The following PPIG variants were observed in gnomAD, a reference collection of about 807,000 sequenced individuals.
The protein encoded by PPIG is peptidyl-prolyl cis-trans isomerase G.
A neutral mutation model predicts 87.9 loss-of-function variants in PPIG; 26 were observed. The ratio of observed to expected loss-of-function variants is 0.30; its 90% confidence interval spans 0.22 to 0.41. PPIG has a LOEUF of 0.41. PPIG is among the 10% of genes least tolerant of loss of function. The pLI is 1.00. For missense variants in PPIG, 722 were observed against 879.4 expected, an observed-to-expected ratio of 0.82 and a Z score of 2.26; for synonymous variants, 308 against 276.5, an observed-to-expected ratio of 1.11 and a Z score of -1.13.
Position 169,607,712 on chromosome 2 carries a change from T to C in PPIG, c.289+564T>C, listed in dbSNP as rs1574447938. 3.9e-5 allele frequency among the ~76,000 whole-genome samples: 6 copies of C among 152,346 alleles called. No homozygotes were observed. The South Asian group carries it at 1.2e-3, about 32-fold the overall frequency. ...AATTCTACATGATTTGTTCTTAATATTCTAACCCAAGATTGGAAAACAAAT... is the reference window on the plus strand; with the variant it reads ...AATTCTACATGATTTGTTCTTAATACTCTAACCCAAGATTGGAAAACAAAT... On this transcript the variant is annotated intron_variant, in intron 6 of 13. Coordinates refer to ENST00000260970, the MANE Select transcript of PPIG (RefSeq NM_004792.3).
At chr2:169,595,564 C>T (rs1559175328) in intron 1 of PPIG, among the ~76,000 whole-genome samples, 1 of 152,026 alleles carries the variant, frequency 6.6e-6, no homozygotes, top group Non-Finnish European at 1.5e-5. Context: ...TCCCCATTAC[C>T]CTCTCAAGTG....
chr2:169,591,792 T>TC (rs397732078), intron 1 of PPIG, among the ~76,000 whole-genome samples: 15 of 151,342 alleles, frequency 9.9e-5, no homozygotes, highest in Non-Finnish European at 1.6e-4. Context: ...TTTTTTTTTT[T>TC]CCAAGAAAAA....
At chr2:169,627,321 T>C (rs1253623658) in intron 9 of PPIG, among the ~76,000 whole-genome samples, 2 of 152,200 alleles carry the variant, frequency 1.3e-5, no homozygotes, top group South Asian at 2.1e-4. Context: ...GGTCTCGAAC[T>C]CCTGACCTCA....
At chr2:169,627,636 C>G (rs1343002764) in intron 9 of PPIG, among the ~76,000 whole-genome samples, 1 of 151,396 alleles carries the variant, frequency 6.6e-6, no homozygotes, top group Non-Finnish European at 1.5e-5. Context: ...AAGTGATTCT[C>G]CCTGCTCAGC....
chr2:169,605,644 A>AC (rs1188313047), intron 4 of PPIG, among the ~76,000 whole-genome samples: 20 of 151,110 alleles, frequency 1.3e-4, no homozygotes, highest in South Asian at 1.0e-3. Flanking sequence ...TCTACGAAAA[A>AC]AAAAATTAGC....
intron 1 of PPIG, among the ~76,000 whole-genome samples, chr2:169,599,882 A>AT (rs1314458026): frequency 6.6e-6 from 1 of 151,846 alleles, no homozygotes; most frequent in African/African-American, 2.4e-5. Flanking sequence ...ATTTTCCCCA[A>AT]TTTTTTTCTT....
At chr2:169,618,633 A>G (rs1446340864) in intron 9 of PPIG, among the ~76,000 whole-genome samples, 2 of 152,058 alleles carry the variant, frequency 1.3e-5, no homozygotes, top group Non-Finnish European at 2.9e-5. Context: ...TTTCTAGTGT[A>G]TTTGTGTAGA....
At chr2:169,616,501 C>T (rs948456139) in intron 9 of PPIG, among the ~76,000 whole-genome samples, 2 of 152,296 alleles carry the variant, frequency 1.3e-5, no homozygotes, top group Admixed American at 6.5e-5. Flanking sequence ...ACATCCTCTC[C>T]GGCATCTGTT....
chr2:169,605,506 T>C (rs1685300162), intron 4 of PPIG, among the ~76,000 whole-genome samples: 1 of 148,134 alleles, frequency 6.8e-6, no homozygotes, highest in Non-Finnish European at 1.5e-5. Context: ...CCTGTCTCAA[T>C]TAAAAAAATA....
At chr2:169,624,788 C>T (rs1685841593) in intron 9 of PPIG, among the ~76,000 whole-genome samples, 1 of 152,106 alleles carries the variant, frequency 6.6e-6, no homozygotes, top group Non-Finnish European at 1.5e-5. Context: ...GATGGGGTTT[C>T]ACCATGTTAG....
intron 1 of PPIG, among the ~76,000 whole-genome samples, chr2:169,593,650 C>CTTTTT (rs57902378): frequency 5.6e-4 from 59 of 106,176 alleles, no homozygotes; most frequent in East Asian, 1.2e-3. Flanking sequence ...TGCTTTATAT[C>CTTTTT]TTTTTTTTTT....
intron 1 of PPIG, among the ~76,000 whole-genome samples, chr2:169,602,386 G>A (rs1270911679): frequency 1.3e-5 from 2 of 152,088 alleles, no homozygotes; most frequent in African/African-American, 4.8e-5. Context: ...TGCAGTCTTG[G>A]CTCACTGCAA....
intron 1 of PPIG, among the ~76,000 whole-genome samples, chr2:169,588,163 C>T (rs886807918): frequency 6.6e-6 from 1 of 151,902 alleles, no homozygotes; most frequent in African/African-American, 2.4e-5. Flanking sequence ...AACTCCATCT[C>T]AAAAAATTAA....
At chr2:169,605,287 G>A (rs568739506) in intron 4 of PPIG, among the ~76,000 whole-genome samples, 4 of 152,036 alleles carry the variant, frequency 2.6e-5, no homozygotes, top group African/African-American at 4.8e-5. Context: ...AGCCAAGATC[G>A]CACCATTGCT....
rs374419370 is a variant in PPIG at position 169,617,552 on chromosome 2, C to G, written c.547+2828C>G. 2.0e-5 allele frequency among the ~76,000 whole-genome samples: 3 copies of G among 152,262 alleles called. No homozygotes were observed. In the South Asian group the frequency reaches 6.2e-4, roughly 32 times the overall value. On this transcript the variant is annotated intron_variant, in intron 9 of 13. Coordinates refer to ENST00000260970, the MANE Select transcript of PPIG (RefSeq NM_004792.3). Reference sequence around the variant, plus strand: ...TTTCCTTGAGCAGTGGTTTGTAGTTCTCCTTGAAGAGGTCCTTCACATCCC... The same window carrying G: ...TTTCCTTGAGCAGTGGTTTGTAGTTGTCCTTGAAGAGGTCCTTCACATCCC...
At position 169,636,927 on chromosome 2, in the gene PPIG, A is replaced by G. The variant is rs1201672764; in HGVS notation, c.1669A>G (p.Ser557Gly). The change falls in exon 14 of 14, where the codon AGT becomes GGT. Residue 557 changes from serine (S) to glycine (G), a missense_variant. Transcript: ENST00000260970. ...ATGTGATATAACTAAAGGTAAACAC[A>G]GTTATAATAGCAGAACAAGAGAACG... ...RECDITKGKHSYNSRTRERSR... is the reference protein window; with the variant it reads ...RECDITKGKHGYNSRTRERSR... 1.2e-6 allele frequency: 2 copies of G among 1,613,898 alleles called. No homozygotes were observed. The highest frequency in any genetic ancestry group is 3.3e-5 in the Admixed American group (2 of 59,970).
intron 7 of PPIG, among the ~76,000 whole-genome samples, chr2:169,612,474 C>A (rs933331939): frequency 6.6e-6 from 1 of 150,884 alleles, no homozygotes; most frequent in Non-Finnish European, 1.5e-5. Flanking sequence ...AGCTCCACCT[C>A]CCGGGTTCAC....
At chr2:169,614,023 G>A (rs1685553850) in intron 7 of PPIG, among the ~76,000 whole-genome samples, 1 of 152,174 alleles carries the variant, frequency 6.6e-6, no homozygotes, top group African/African-American at 2.4e-5. Context: ...TAAGAATATA[G>A]CCCGTGCTTA....
At chr2:169,612,486 C>A (rs892655900) in intron 7 of PPIG, among the ~76,000 whole-genome samples, 7 of 150,718 alleles carry the variant, frequency 4.6e-5, no homozygotes, top group African/African-American at 1.7e-4. Flanking sequence ...CGGGTTCACG[C>A]CATTCTCCTG....
Sources: gnomAD v4.1 joint callset for allele counts (sites outside exome capture counted in the v4.1 genomes callset) on GRCh38, gnomAD v4.1.1 for gene constraint, MANE v1.5 for transcripts, NCBI Gene and HGNC (gene_info 2026-07-23, HGNC 2026-07-21) for gene names.